Variants in NDUFC1 observed in about 807,000 individuals in gnomAD.
The protein encoded by NDUFC1 is NADH:ubiquinone oxidoreductase subunit C1, also known as NADH dehydrogenase [ubiquinone] 1 subunit C1, mitochondrial.
Under a neutral mutation model 11.6 loss-of-function variants are expected in NDUFC1, and 11 were observed. The ratio of observed to expected loss-of-function variants is 0.95; its 90% confidence interval spans 0.60 to 1.58. NDUFC1 has a LOEUF of 1.58. Ranked by LOEUF, NDUFC1 falls within the 40% of genes most tolerant of loss-of-function variation. The pLI is 0.00. For synonymous variants in NDUFC1, 52 were observed against 42.2 expected (o/e 1.23, Z -0.90); for missense variants, 112 against 93.0 (o/e 1.20, Z -0.84).
chr4:139,292,158 C>G (rs749328465), intron 5 of NDUFC1, among the ~76,000 whole-genome samples: 2 of 152,100 alleles, frequency 1.3e-5, no homozygotes, highest in Admixed American at 1.3e-4. Flanking sequence ...CATTCTTAAA[C>G]ATACCTTTCT....
At chr4:139,295,008 T>TG (rs768476000) in intron 4 of NDUFC1, 35 bp downstream of exon 4, 52 of 1,497,980 alleles carry the variant, frequency 3.5e-5, no homozygotes, top group Middle Eastern at 1.7e-4. Context: ...ACCACGCTGG[T>TG]GTAGTCTCAC....
At chr4:139,298,926 C>T (rs1016855418) in intron 1 of NDUFC1, among the ~76,000 whole-genome samples, 3 of 151,996 alleles carry the variant, frequency 2.0e-5, no homozygotes, top group African/African-American at 7.2e-5. Context: ...CTTCCTGCCT[C>T]AGCCTCCCAG....
intron 1 of NDUFC1, chr4:139,301,995 C>T (rs1745783415): frequency 3.0e-6 from 2 of 668,996 alleles, no homozygotes; most frequent in South Asian, 5.1e-5. Flanking sequence ...TCTGTGGTTC[C>T]TACTATGGCC....
At chr4:139,294,834 T>A (rs192370871) in intron 4 of NDUFC1, among the ~76,000 whole-genome samples, 1 of 152,310 alleles carries the variant, frequency 6.6e-6, no homozygotes, top group Admixed American at 6.5e-5. Flanking sequence ...CCCATCATAC[T>A]TTTTCAATGT....
At chr4:139,296,888 A>G (rs1227568391) in intron 2 of NDUFC1, among the ~76,000 whole-genome samples, 1 of 152,224 alleles carries the variant, frequency 6.6e-6, no homozygotes, top group Non-Finnish European at 1.5e-5. Flanking sequence ...CAAATCTCCT[A>G]TATTCTCTTT....
chr4:139,298,079 CA>C (rs1369408816), intron 1 of NDUFC1, among the ~76,000 whole-genome samples: 2 of 144,486 alleles, frequency 1.4e-5, no homozygotes, highest in African/African-American at 4.9e-5. Context: ...AAAAACAAAA[CA>C]AAAGAAAAAA....
At chr4:139,291,669 ATAAT>A (rs1006568904) in intron 5 of NDUFC1, among the ~76,000 whole-genome samples, 11 of 152,192 alleles carry the variant, frequency 7.2e-5, no homozygotes, top group Non-Finnish European at 1.0e-4. Flanking sequence ...TGAATAAAGG[ATAAT>A]TAATAAAATA....
intron 3 of NDUFC1, 69 bp from the exon 4 acceptor site, chr4:139,295,215 G>A (rs1315551721): frequency 2.5e-6 from 3 of 1,190,276 alleles, no homozygotes; most frequent in East Asian, 4.7e-5. Context: ...TAACATTTAC[G>A]TGCGTATTAT....
intron 1 of NDUFC1, among the ~76,000 whole-genome samples, chr4:139,298,598 CA>C (rs1442849152): frequency 1.3e-5 from 2 of 149,630 alleles, no homozygotes; most frequent in Non-Finnish European, 3.0e-5. Context: ...TACACACACA[CA>C]AAAAAAACCC....
At chr4:139,291,975 T>C (rs1430598086) in intron 5 of NDUFC1, among the ~76,000 whole-genome samples, 1 of 151,824 alleles carries the variant, frequency 6.6e-6, no homozygotes, top group East Asian at 1.9e-4. Flanking sequence ...TAGCTGAGAC[T>C]ACAGGCGCCC....
intron 3 of NDUFC1, 150 bp downstream of exon 3, chr4:139,295,582 A>G (rs1346863157): frequency 1.3e-6 from 1 of 771,264 alleles, no homozygotes; most frequent in Non-Finnish European, 2.0e-6. Context: ...TGCGTAGGGG[A>G]CAGGCGTGGG....
chr4:139,290,651 T>C (rs1365159649), intron 5 of NDUFC1, among the ~76,000 whole-genome samples: 1 of 152,072 alleles, frequency 6.6e-6, no homozygotes, highest in East Asian at 1.9e-4. Flanking sequence ...CTGAGATTTT[T>C]AAGTGACTGT....
At position 139,292,608 on chromosome 4, in the gene NDUFC1, A is replaced by G; in HGVS notation, c.173T>C (p.Leu58Pro). 6.5e-7 allele frequency: 1 copy of G among 1,543,268 alleles called. No homozygotes were observed. The highest frequency in any genetic ancestry group is 8.9e-7 in the Non-Finnish European group (1 of 1,127,006). The change falls in exon 5 of 6, where the codon CTC (leucine) becomes CCC (proline). Residue 58 changes from leucine (L) to proline (P), a missense_variant and splice_region_variant. Physicochemically the swap from Leu to Pro is moderately conservative, Grantham distance 98 (BLOSUM62 -3). Transcript: ENST00000394223. ...AATATCTTCATTGTGTTGTTTGATG[A>G]GCTACAAAGAGTTAAACAGTTAAAA... ...LGTTVFLWIY[L>P]IKQHNEDILE... is the part of the protein sequence containing the mutation.
chr4:139,296,995 G>C (rs546954691), intron 2 of NDUFC1, among the ~76,000 whole-genome samples: 1 of 152,212 alleles, frequency 6.6e-6, no homozygotes, highest in South Asian at 2.1e-4. Context: ...CATGCAAATG[G>C]TGGCTAAATG....
intron 4 of NDUFC1, among the ~76,000 whole-genome samples, chr4:139,293,710 T>C (rs1363169489): frequency 3.3e-5 from 5 of 152,132 alleles, no homozygotes; most frequent in Non-Finnish European, 7.4e-5. Flanking sequence ...TAAATATTAA[T>C]ATAGCAGATA....
chr4:139,295,356 CT>C (rs1474108064), intron 3 of NDUFC1, among the ~76,000 whole-genome samples: 1 of 152,186 alleles, frequency 6.6e-6, no homozygotes, highest in Non-Finnish European at 1.5e-5. Flanking sequence ...CTGTCCGAGG[CT>C]TTCAAAGCCT....
intron 4 of NDUFC1, among the ~76,000 whole-genome samples, chr4:139,292,857 C>T (rs1356116114): frequency 6.6e-6 from 1 of 151,644 alleles, no homozygotes; most frequent in African/African-American, 2.4e-5. Context: ...GAGTTTTGCT[C>T]CACCCCAGGC....
Position 139,295,739 on chromosome 4 carries a change from C to G in NDUFC1, c.60G>C (p.Pro20=). 6.5e-7 allele frequency: 1 copy of G among 1,544,338 alleles called. No individual in the cohort carries two copies. Among genetic ancestry groups the G allele is most frequent in the Non-Finnish European group, 8.7e-7 (1 of 1,145,550 alleles). Residue 20 remains proline, a synonymous_variant, in exon 3 of 6, where the codon CCG becomes CCC. Transcript: ENST00000394223. ...LSRLLAPARL[P]SGPSVRSKFY... ...CACGAGGAGGATACTCACGGCCGCTCGGGAGCCTGGCGGGGGCCAGCAGCC... is the reference window on the plus strand; with the variant it reads ...CACGAGGAGGATACTCACGGCCGCTGGGGAGCCTGGCGGGGGCCAGCAGCC...
intron 4 of NDUFC1, 139 bp from the exon 5 acceptor site, chr4:139,292,748 A>G: frequency 2.4e-6 from 1 of 423,480 alleles, no homozygotes; most frequent in Non-Finnish European, 4.0e-6. Flanking sequence ...TTCAAAAACC[A>G]GGAATGGTAT....
Sources: gnomAD v4.1 joint callset for allele counts (sites outside exome capture counted in the v4.1 genomes callset) on GRCh38, gnomAD v4.1.1 for gene constraint, MANE v1.5 for transcripts, NCBI Gene and HGNC (gene_info 2026-07-23, HGNC 2026-07-21) for gene names.